The following RABGAP1L variants were observed in gnomAD, a reference collection of about 807,000 sequenced individuals.
RABGAP1L encodes the protein rab GTPase-activating protein 1-like.
RABGAP1L carries 63 observed loss-of-function variants against 137.7 expected under a neutral mutation model. That is an observed-to-expected ratio of 0.46 (90% CI 0.37 to 0.56). The LOEUF is 0.56. Among genes scored for constraint, RABGAP1L ranks in the 20% least tolerant of loss-of-function variants. The pLI, the probability that RABGAP1L is intolerant of heterozygous loss-of-function variation, is 0.00. For missense variants in RABGAP1L, 1,095 were observed against 1,244.0 expected (o/e 0.88, Z 1.80); for synonymous variants, 431 against 433.7 (o/e 0.99, Z 0.08).
At chr1:174,313,233 G>A (rs543250832) in intron 11 of RABGAP1L, among the ~76,000 whole-genome samples, 1 of 152,168 alleles carries the variant, frequency 6.6e-6, no homozygotes, top group South Asian at 2.1e-4. Flanking sequence ...GGCCATAAAT[G>A]GGATTATTTT....
At chr1:174,259,197 A>C (rs1278001652) in intron 7 of RABGAP1L, among the ~76,000 whole-genome samples, 1 of 152,068 alleles carries the variant, frequency 6.6e-6, no homozygotes, top group Non-Finnish European at 1.5e-5. Flanking sequence ...ATTATACTGC[A>C]GTTGTCTGTC....
intron 11 of RABGAP1L, among the ~76,000 whole-genome samples, chr1:174,370,463 C>CTTTTTTTT (rs1183875194): frequency 2.6e-5 from 1 of 37,878 alleles, no homozygotes; most frequent in African/African-American, 1.1e-4. Context: ...TTAAAAATAC[C>CTTTTTTTT]TTTTTTTTTT....
intron 1 of RABGAP1L, among the ~76,000 whole-genome samples, chr1:174,181,631 C>T (rs1666378438): frequency 6.6e-6 from 1 of 152,126 alleles, no homozygotes; most frequent in African/African-American, 2.4e-5. Flanking sequence ...GCCACCATGC[C>T]CAGCCTGTAC....
intron 14 of RABGAP1L, among the ~76,000 whole-genome samples, chr1:174,655,325 T>C (rs1201667303): frequency 6.6e-6 from 1 of 152,212 alleles, no homozygotes; most frequent in African/African-American, 2.4e-5. Context: ...CCTGGAACCA[T>C]TTCTTACTCT....
chr1:174,967,154 A>C (rs1183626390), intron 20 of RABGAP1L, among the ~76,000 whole-genome samples: 3 of 146,020 alleles, frequency 2.1e-5, no homozygotes, highest in African/African-American at 7.6e-5. Context: ...CTGTTATTAT[A>C]TTTTCTTTCT....
At chr1:174,958,869 T>C (rs116446702) in intron 20 of RABGAP1L, among the ~76,000 whole-genome samples, 1,632 of 152,258 alleles carry the variant, frequency 0.011, 30 homozygotes, top group African/African-American at 0.037. Context: ...ATAAAAGATA[T>C]AGTGTTTCTG....
At chr1:174,975,802 G>A (rs1182536320) in intron 21 of RABGAP1L, among the ~76,000 whole-genome samples, 2 of 152,170 alleles carry the variant, frequency 1.3e-5, no homozygotes, top group Non-Finnish European at 2.9e-5. Context: ...TTAGATGTGT[G>A]ACCCCAGACA....
chr1:174,424,377 A>G (rs535304288), intron 13 of RABGAP1L, among the ~76,000 whole-genome samples: 2 of 152,216 alleles, frequency 1.3e-5, no homozygotes, highest in South Asian at 4.1e-4. Context: ...AATTAGTGAA[A>G]TGCAGACTTT....
At position 174,221,076 on chromosome 1, in the gene RABGAP1L, T is replaced by A. The variant is rs764366634; in HGVS notation, c.243T>A (p.Ser81Arg). 7 of 1,613,992 alleles carry A rather than the reference T, an allele frequency of 4.3e-6. No homozygotes were observed. The Admixed American group carries it at 8.3e-5, about 19-fold the overall frequency. ...SSLLVDCQSS[S>R]EISDHSFGDI... ...TTCTTGTTGATTGTCAAAGTTCCAGTGAGATTTCAGACCATTCGTTTGGAG... is the reference window on the plus strand; with the variant it reads ...TTCTTGTTGATTGTCAAAGTTCCAGAGAGATTTCAGACCATTCGTTTGGAG... Residue 81 changes from serine (S) to arginine (R), a missense_variant, in exon 3 of 26, where the codon AGT becomes AGA. Physicochemically the swap from Ser to Arg is moderately radical, Grantham distance 110. Around this residue, in one of 4 missense-constraint regions of RABGAP1L, gnomAD observed 356 missense variants for 326.3 expected, o/e 1.09. Coordinates refer to ENST00000681986, the MANE Select transcript of RABGAP1L (RefSeq NM_001366446.1).
intron 19 of RABGAP1L, among the ~76,000 whole-genome samples, chr1:174,913,450 G>C (rs1236558121): frequency 6.6e-6 from 1 of 152,126 alleles, no homozygotes; most frequent in African/African-American, 2.4e-5. Context: ...ATTAGGACAG[G>C]CAGTTTTTCT....
intron 13 of RABGAP1L, chr1:174,547,711 T>A: frequency 1.3e-6 from 1 of 758,422 alleles, no homozygotes; most frequent in Non-Finnish European, 2.1e-6. Flanking sequence ...CTTTTAGACA[T>A]GGGGAATTTA....
At chr1:174,309,592 C>T (rs1678625214) in intron 11 of RABGAP1L, among the ~76,000 whole-genome samples, 1 of 152,008 alleles carries the variant, frequency 6.6e-6, no homozygotes, top group Non-Finnish European at 1.5e-5. Flanking sequence ...AATGCTTCTT[C>T]TGTATTAGTT....
intron 13 of RABGAP1L, among the ~76,000 whole-genome samples, chr1:174,572,189 A>G (rs1398428037): frequency 6.6e-6 from 1 of 152,246 alleles, no homozygotes; most frequent in African/African-American, 2.4e-5. Flanking sequence ...GAGTAAGACC[A>G]GTCCTTCTAC....
intron 14 of RABGAP1L, among the ~76,000 whole-genome samples, chr1:174,675,261 T>G (rs952721616): frequency 2.2e-4 from 34 of 151,556 alleles, no homozygotes; most frequent in Non-Finnish European, 4.0e-4. Flanking sequence ...GAATTAATTT[T>G]TGTATAAGGT....
chr1:174,279,656 T>C (rs1176654476), intron 10 of RABGAP1L, among the ~76,000 whole-genome samples: 2 of 152,192 alleles, frequency 1.3e-5, no homozygotes, highest in African/African-American at 2.4e-5. Flanking sequence ...AAAAAATCTT[T>C]CATAAAATTA....
At chr1:174,636,629 T>G (rs945957589) in intron 13 of RABGAP1L, among the ~76,000 whole-genome samples, 1 of 152,170 alleles carries the variant, frequency 6.6e-6, no homozygotes, top group Non-Finnish European at 1.5e-5. Flanking sequence ...ATTGACAGTA[T>G]TTTTACTTTT....
rs546176156 is a variant in RABGAP1L, at chr1:174,800,549, C to T, written c.2212-11283C>T. 5.2e-5 allele frequency: 79 copies of T among 1,529,206 alleles called. No homozygotes were observed. In the African/African-American group the frequency reaches 8.3e-4, roughly 16 times the overall value. 94.7% of individuals were successfully genotyped at this position (1,529,206 alleles called of 1,614,324 possible). On this transcript the variant is annotated intron_variant, in intron 18 of 25. Coordinates refer to ENST00000681986, the MANE Select transcript of RABGAP1L (RefSeq NM_001366446.1). Reference sequence around the variant, plus strand: ...TCATTTGTAGGGAATCTGCTATCCTCTGTGAAAATTCCTTGTATCTCTGAA... The same window carrying T: ...TCATTTGTAGGGAATCTGCTATCCTTTGTGAAAATTCCTTGTATCTCTGAA...
At chr1:174,646,702 G>T (rs1232599142) in intron 14 of RABGAP1L, among the ~76,000 whole-genome samples, 1 of 152,072 alleles carries the variant, frequency 6.6e-6, no homozygotes, top group Non-Finnish European at 1.5e-5. Context: ...AGGCTTTCTT[G>T]GTTCCACATG....
intron 13 of RABGAP1L, among the ~76,000 whole-genome samples, chr1:174,625,369 T>G (rs980927508): frequency 3.3e-5 from 5 of 152,130 alleles, no homozygotes; most frequent in Admixed American, 1.3e-4. Flanking sequence ...CATGAATGAG[T>G]TTGTACTATT....
Sources: allele counts gnomAD v4.1 joint callset (sites outside exome capture counted in the v4.1 genomes callset), GRCh38; gene constraint gnomAD v4.1.1; regional missense constraint gnomAD v4.1.1; transcripts MANE v1.5; gene names NCBI Gene and HGNC (gene_info 2026-07-23, HGNC 2026-07-21).